The following PKD1L1 variants were observed in gnomAD, a reference collection of about 807,000 sequenced individuals.
PKD1L1 encodes the protein polycystin-1-like protein 1.
A neutral mutation model predicts 323.4 loss-of-function variants in PKD1L1; 236 were observed. That is an observed-to-expected ratio of 0.73 (90% CI 0.66 to 0.81). The LOEUF is 0.81. Ranked by LOEUF, PKD1L1 falls within the 40% of genes least tolerant of loss-of-function variation. The probability of loss-of-function intolerance (pLI) is 0.00; values close to 1 mark genes in which losing one functional copy is unlikely to be tolerated. For missense variants in PKD1L1, 3,320 were observed against 3,508.0 expected, an observed-to-expected ratio of 0.95 and a Z score of 1.35; for synonymous variants, 1,344 against 1,335.0, an observed-to-expected ratio of 1.01 and a Z score of -0.15.
intron 24 of PKD1L1, among the ~76,000 whole-genome samples, chr7:47,873,664 A>G (rs1439603934): frequency 6.9e-6 from 1 of 145,504 alleles, no homozygotes; most frequent in Non-Finnish European, 1.5e-5. Context: ...AAAAAAAAAA[A>G]AAAAAAAGAA....
intron 1 of PKD1L1, among the ~76,000 whole-genome samples, chr7:47,945,932 C>T (rs1788084075): frequency 6.6e-6 from 1 of 152,220 alleles, no homozygotes; most frequent in Non-Finnish European, 1.5e-5. Flanking sequence ...AACACATCCC[C>T]AACAGGTGTG....
chr7:47,839,766 G>A lies in PKD1L1; in HGVS notation c.5553-104C>T, dbSNP rs1173721846. The A allele has an allele frequency of 1.2e-5, 14 of 1,122,156 alleles. No homozygotes were observed. Among genetic ancestry groups the A allele is most frequent in the African/African-American group, 3.1e-5 (2 of 64,916 alleles). 69.5% of individuals were successfully genotyped at this position (1,122,156 alleles called of 1,614,324 possible). A position where few individuals can be genotyped will look rare whatever the true frequency, so the allele number is the denominator to read the frequency against. On this transcript the variant is annotated intron_variant, in intron 35 of 56. Coordinates refer to ENST00000289672, the MANE Select transcript of PKD1L1 (RefSeq NM_138295.5). This position sits in a 1 kb window ranked among gnomAD's most constrained non-coding sequence, Gnocchi z 4.3. ...CTCAAGGCACTGATGGCCCACAGAG[G>A]GTGGATGGGACATGTCAAAGGTGAC...
At chr7:47,863,789 G>A (rs1287754554) in intron 26 of PKD1L1, among the ~76,000 whole-genome samples, 1 of 152,106 alleles carries the variant, frequency 6.6e-6, no homozygotes, top group Non-Finnish European at 1.5e-5. Flanking sequence ...TCAGAAGGCC[G>A]AGGTGGGAGG....
At chr7:47,880,540 CCAAAGTG>C in intron 21 of PKD1L1, among the ~76,000 whole-genome samples, 181 bp downstream of exon 21, 1 of 64,718 alleles carries the variant, frequency 1.5e-5, no homozygotes, top group African/African-American at 1.2e-4. Context: ...CCTCGGCCTC[CCAAAGTG>C]CTGGGATTAC....
chr7:47,817,696 C>T (rs1785049496), intron 46 of PKD1L1, among the ~76,000 whole-genome samples: 1 of 152,062 alleles, frequency 6.6e-6, no homozygotes, highest in African/African-American at 2.4e-5. Context: ...TGGCTAAACC[C>T]CCGTCTTTAC....
chr7:47,950,031 T>G (rs984006321), upstream of PKD1L1, among the ~76,000 whole-genome samples: 1 of 152,194 alleles, frequency 6.6e-6, no homozygotes, highest in Non-Finnish European at 1.5e-5. Flanking sequence ...TTGGGGGAAA[T>G]GCATACTTTC....
At chr7:47,912,951 A>C (rs1341638758) in intron 8 of PKD1L1, among the ~76,000 whole-genome samples, 1 of 152,112 alleles carries the variant, frequency 6.6e-6, no homozygotes, top group Non-Finnish European at 1.5e-5. Context: ...GGAGAATTTC[A>C]GGGAGGCTTC....
chr7:47,864,804 C>T (rs1331725576), intron 26 of PKD1L1, among the ~76,000 whole-genome samples: 2 of 151,300 alleles, frequency 1.3e-5, no homozygotes, highest in Non-Finnish European at 2.9e-5. Flanking sequence ...CTGCAACCTC[C>T]GCCTCCTGGC....
At position 47,830,136 on chromosome 7, in the gene PKD1L1, G is replaced by T. The variant is rs772993514; in HGVS notation, c.6474-12C>A. On this transcript the variant is annotated splice_polypyrimidine_tract_variant and intron_variant, in intron 42 of 56. Transcript: ENST00000289672. ...GCTCCTGGCCAAACCTGCCCCCAGGGAAAGTGCAGTGGTCAGCCCCCTCTA... is the reference window on the plus strand; with the variant it reads ...GCTCCTGGCCAAACCTGCCCCCAGGTAAAGTGCAGTGGTCAGCCCCCTCTA... The T allele has an allele frequency of 6.2e-7, 1 of 1,612,746 alleles. No individual in the cohort carries two copies. The highest frequency in any genetic ancestry group is 8.5e-7 in the Non-Finnish European group (1 of 1,179,202).
intron 46 of PKD1L1, 39 bp downstream of exon 46, chr7:47,821,037 A>G (rs533084407): frequency 7.9e-7 from 1 of 1,269,544 alleles, no homozygotes; most frequent in South Asian, 1.2e-5. Flanking sequence ...GGAATAGTGC[A>G]ATGGCCCCAG....
rs778353185 is a variant in PKD1L1, at chr7:47,930,816, AAAAC to A, written c.737+284_737+287del. Reference sequence around the variant, plus strand: ...GGTGACAGAGCGAGACTCTGTCAAAAAAACAAACAAACAAACAACAACAACAAAA... The same window carrying A: ...GGTGACAGAGCGAGACTCTGTCAAAAAAACAAACAAACAACAACAACAAAA... On this transcript the variant is annotated intron_variant, in intron 6 of 56. Coordinates refer to ENST00000289672, the MANE Select transcript of PKD1L1 (RefSeq NM_138295.5). Among the ~76,000 whole-genome samples the A allele has an allele frequency of 3.9e-5, 6 of 152,176 alleles. No homozygotes were observed. In the East Asian group the frequency reaches 9.6e-4, roughly 24 times the overall value.
At position 47,874,018 on chromosome 7, in the gene PKD1L1, G is replaced by A. The variant is rs191228021; in HGVS notation, c.3785-8C>T. 1.6e-4 allele frequency: 254 copies of A among 1,558,984 alleles called. No individual in the cohort carries two copies. The highest frequency in any genetic ancestry group is 2.2e-4 in the Non-Finnish European group (250 of 1,132,284). ...TTTCAGTGGAAACCATGACTGTGAGGGAACATGTCAGAAGAGGGTCATCTT... is the reference window on the plus strand; with the variant it reads ...TTTCAGTGGAAACCATGACTGTGAGAGAACATGTCAGAAGAGGGTCATCTT... On this transcript the variant is annotated splice_polypyrimidine_tract_variant and splice_region_variant and intron_variant, in intron 23 of 56. Coordinates refer to ENST00000289672, the MANE Select transcript of PKD1L1 (RefSeq NM_138295.5).
intron 39 of PKD1L1, among the ~76,000 whole-genome samples, 170 bp downstream of exon 39, chr7:47,834,797 G>C (rs1785421858): frequency 6.6e-6 from 1 of 152,124 alleles, no homozygotes; most frequent in Non-Finnish European, 1.5e-5. Flanking sequence ...CAAATAAAAT[G>C]GACAGATGAC....
chr7:47,902,285 C>A (rs1246996883), intron 13 of PKD1L1, 94 bp downstream of exon 13: 2 of 1,491,828 alleles, frequency 1.3e-6, no homozygotes, highest in Non-Finnish European at 1.8e-6. Flanking sequence ...AGCCTCGCTT[C>A]ATGCCCCAAA....
intron 8 of PKD1L1, among the ~76,000 whole-genome samples, 195 bp downstream of exon 8, chr7:47,915,237 C>T (rs1787402993): frequency 6.6e-6 from 1 of 152,202 alleles, no homozygotes; most frequent in Non-Finnish European, 1.5e-5. Context: ...GCTAAGGAAT[C>T]CTGTCTTAAA....
intron 8 of PKD1L1, among the ~76,000 whole-genome samples, chr7:47,910,777 C>T (rs903695087): frequency 6.6e-6 from 1 of 151,376 alleles, no homozygotes; most frequent in Non-Finnish European, 1.5e-5. Context: ...CTGCCTCACC[C>T]TCCCAAGTAG....
chr7:47,827,310 T>C (rs769025554), intron 45 of PKD1L1, 40 bp downstream of exon 45: 14 of 1,509,672 alleles, frequency 9.3e-6, no homozygotes, highest in African/African-American at 1.4e-5. Flanking sequence ...AGAAGGGAGC[T>C]GGAGTGGAGC....
intron 24 of PKD1L1, among the ~76,000 whole-genome samples, chr7:47,869,215 G>A (rs1455848664): frequency 1.3e-5 from 2 of 152,096 alleles, no homozygotes; most frequent in Admixed American, 1.3e-4. Flanking sequence ...AAGTAATAAT[G>A]AGACATGCAA....
intron 56 of PKD1L1, among the ~76,000 whole-genome samples, chr7:47,784,733 A>G (rs1309672748): frequency 6.6e-6 from 1 of 152,132 alleles, no homozygotes; most frequent in South Asian, 2.1e-4. Context: ...TCAGCCTCCC[A>G]AAGTGCTGGG....
Sources: gnomAD v4.1 joint callset for allele counts (sites outside exome capture counted in the v4.1 genomes callset) on GRCh38, gnomAD v4.1.1 for gene constraint, Gnocchi (gnomAD v3.1) non-coding constraint, MANE v1.5 for transcripts, NCBI Gene and HGNC (gene_info 2026-07-23, HGNC 2026-07-21) for gene names.